The following CDKN2B-AS1 variants were observed in gnomAD, a reference collection of about 807,000 sequenced individuals.
CDKN2B-AS1 encodes the protein CDKN2B antisense RNA 1 (non-protein coding).
chr9:22,069,839 A>G (rs1240091141), intron 4 of CDKN2B-AS1, among the ~76,000 whole-genome samples: 1 of 151,994 alleles, frequency 6.6e-6, no homozygotes, highest in Non-Finnish European at 1.5e-5. Flanking sequence ...TTGCTTCCCC[A>G]GTCTCTGGTA....
chr9:22,043,419 CA>C, intron 1 of CDKN2B-AS1, among the ~76,000 whole-genome samples: 1 of 152,070 alleles, frequency 6.6e-6, no homozygotes, highest in Non-Finnish European at 1.5e-5. Context: ...TATTCACACA[CA>C]CACAGACACA....
At position 21,996,875 on chromosome 9, in the gene CDKN2B-AS1, T is replaced by G. The variant is rs1319635410; in HGVS notation, n.29+1714T>G. On this transcript the variant is annotated intron_variant and non_coding_transcript_variant, in intron 1 of 4. Coordinates refer to ENST00000650946, the Ensembl canonical transcript of CDKN2B-AS1. This position sits in a 1 kb window ranked among gnomAD's most constrained non-coding sequence, Gnocchi z 5.4. ...TGGGCCTAGACAATGTAACTAGTTG[T>G]TGCAATAAAGCATGGTGGGGAAAGG... is the stretch of plus-strand genomic sequence containing the variant. 6.6e-6 allele frequency among the ~76,000 whole-genome samples: 1 copy of G among 152,172 alleles called. No individual in the cohort carries two copies. The highest frequency in any genetic ancestry group is 1.5e-5 in the Non-Finnish European group (1 of 68,030).
chr9:22,078,578 C>G (rs902771721), intron 4 of CDKN2B-AS1, among the ~76,000 whole-genome samples: 2 of 152,140 alleles, frequency 1.3e-5, no homozygotes, highest in African/African-American at 4.8e-5. Context: ...CTTTAGCAAA[C>G]AAACAACAGA....
At chr9:22,051,834 A>T (rs1823358654) in intron 3 of CDKN2B-AS1, among the ~76,000 whole-genome samples, 1 of 152,188 alleles carries the variant, frequency 6.6e-6, no homozygotes, top group Non-Finnish European at 1.5e-5. Context: ...GCCTGCATAT[A>T]CCACGTATAT....
intron 1 of CDKN2B-AS1, among the ~76,000 whole-genome samples, chr9:22,038,004 C>A (rs1378501761): frequency 6.6e-6 from 1 of 151,966 alleles, no homozygotes; most frequent in Non-Finnish European, 1.5e-5. Flanking sequence ...AGCAGTCTTG[C>A]ACAAGTGCTT....
At chr9:22,068,004 T>C (rs1018681311) in intron 4 of CDKN2B-AS1, among the ~76,000 whole-genome samples, 1 of 152,230 alleles carries the variant, frequency 6.6e-6, no homozygotes, top group Non-Finnish European at 1.5e-5. Flanking sequence ...CAATAATTTA[T>C]TGAGCACAAA....
At chr9:22,095,351 C>G (rs1825236722) in intron 4 of CDKN2B-AS1, among the ~76,000 whole-genome samples, 1 of 144,456 alleles carries the variant, frequency 6.9e-6, no homozygotes, top group Non-Finnish European at 1.5e-5. Context: ...TGTTATGTAC[C>G]CAGTAGTCAT....
intron 4 of CDKN2B-AS1, among the ~76,000 whole-genome samples, chr9:22,104,206 A>G (rs933419783): frequency 6.6e-6 from 1 of 152,168 alleles, no homozygotes; most frequent in African/African-American, 2.4e-5. Context: ...GCATTGCCAT[A>G]TCGTGGAGGC....
chr9:22,006,079 G>T lies in CDKN2B-AS1; in HGVS notation n.29+10918G>T. On this transcript the variant is annotated intron_variant and non_coding_transcript_variant, in intron 1 of 4. Coordinates refer to ENST00000650946, the Ensembl canonical transcript of CDKN2B-AS1. This position sits in a 1 kb window ranked among gnomAD's most constrained non-coding sequence, Gnocchi z 6.4. ...ACGGGCAGACGACCCCAGGCATCGCGCACGTCCAGCCGCGCCCCGGCCCGG... is the reference window on the plus strand; with the variant it reads ...ACGGGCAGACGACCCCAGGCATCGCTCACGTCCAGCCGCGCCCCGGCCCGG... The T allele has an allele frequency of 1.2e-6, 2 of 1,607,100 alleles. No individual in the cohort carries two copies. The highest frequency in any genetic ancestry group is 1.7e-6 in the Non-Finnish European group (2 of 1,179,668).
At chr9:22,046,924 A>G (rs763505919) in intron 2 of CDKN2B-AS1, 15 of 152,172 alleles carry the variant, frequency 9.9e-5, no homozygotes, top group Non-Finnish European at 2.2e-4. Flanking sequence ...GTGAAAGAGA[A>G]TGGAGATTCT....
At chr9:22,036,834 G>C (rs1474626731) in intron 1 of CDKN2B-AS1, among the ~76,000 whole-genome samples, 1 of 152,020 alleles carries the variant, frequency 6.6e-6, no homozygotes, top group Non-Finnish European at 1.5e-5. Flanking sequence ...AGCTGCATTA[G>C]AGGCCCAGCT....
chr9:22,084,693 A>C (rs1274790872), intron 4 of CDKN2B-AS1, among the ~76,000 whole-genome samples: 1 of 152,196 alleles, frequency 6.6e-6, no homozygotes, highest in East Asian at 1.9e-4. Flanking sequence ...TCCCAGATTG[A>C]AAATATGTCT....
At chr9:22,073,866 A>ATT (rs1285294566) in intron 4 of CDKN2B-AS1, among the ~76,000 whole-genome samples, 2 of 142,128 alleles carry the variant, frequency 1.4e-5, no homozygotes, top group African/African-American at 6.2e-5. Flanking sequence ...ATACCTAGAT[A>ATT]ATTTTTTTTT....
chr9:21,994,966 C>G (rs1820574671), upstream of CDKN2B-AS1: 1 of 152,342 alleles, frequency 6.6e-6, no homozygotes, highest in African/African-American at 2.4e-5. Context: ...GAAAGGAAAG[C>G]GAGGTCATCT....
intron 4 of CDKN2B-AS1, among the ~76,000 whole-genome samples, chr9:22,076,670 C>T (rs930220917): frequency 6.6e-6 from 1 of 152,056 alleles, no homozygotes; most frequent in Admixed American, 6.6e-5. Context: ...AAATCCTGAA[C>T]GCAATACACC....
chr9:22,016,114 T>C (rs1003586178), intron 1 of CDKN2B-AS1, among the ~76,000 whole-genome samples: 21 of 152,186 alleles, frequency 1.4e-4, no homozygotes, highest in African/African-American at 5.1e-4. Context: ...ATCCCATTTG[T>C]CAATTTTGGC....
intron 4 of CDKN2B-AS1, among the ~76,000 whole-genome samples, chr9:22,105,141 C>T (rs1474819669): frequency 2.6e-5 from 4 of 152,256 alleles, no homozygotes; most frequent in Non-Finnish European, 4.4e-5. Context: ...CAAAGTAACT[C>T]GTTAAATGAG....
chr9:22,027,750 T>C (rs1822301695), intron 1 of CDKN2B-AS1, among the ~76,000 whole-genome samples: 1 of 152,172 alleles, frequency 6.6e-6, no homozygotes, highest in African/African-American at 2.4e-5. Context: ...TTCATGGCTC[T>C]TACATTCCAG....
At chr9:22,099,418 G>A (rs1010390777) in intron 4 of CDKN2B-AS1, among the ~76,000 whole-genome samples, 7 of 152,122 alleles carry the variant, frequency 4.6e-5, no homozygotes, top group South Asian at 2.1e-4. Flanking sequence ...ATGAATTGAC[G>A]GGGAGCTGGG....
Sources: gnomAD v4.1 joint callset for allele counts (sites outside exome capture counted in the v4.1 genomes callset) on GRCh38, gnomAD v4.1.1 for gene constraint, Gnocchi (gnomAD v3.1) non-coding constraint, MANE v1.5 for transcripts, NCBI Gene and HGNC (gene_info 2026-07-23, HGNC 2026-07-21) for gene names.